Variants in VRK2 observed in about 807,000 individuals in gnomAD.
VRK2 encodes serine/threonine-protein kinase VRK2.
Under a neutral mutation model 57.6 loss-of-function variants are expected in VRK2, and 60 were observed. The observed-to-expected ratio is 1.04, with a 90% CI of 0.85 to 1.29. VRK2 has a LOEUF of 1.29. Among genes scored for constraint, VRK2 ranks in the 50% most tolerant of loss-of-function variants. VRK2 has a pLI of 0.00. For synonymous variants in VRK2, 231 were observed against 199.2 expected (o/e 1.16, Z -1.35); for missense variants, 705 against 588.1 (o/e 1.20, Z -2.06).
rs943168135 is a variant in VRK2, at chr2:57,968,855, T to C, written c.-438-56810T>C. On this transcript the variant is annotated intron_variant, in intron 1 of 15. Transcript: ENST00000417641. Reference sequence around the variant, plus strand: ...ATGTTAAAAAATATTCTAGGACAAATTGACTCCATAGTCAAACAATTTTGA... The same window carrying C: ...ATGTTAAAAAATATTCTAGGACAAACTGACTCCATAGTCAAACAATTTTGA... 3.3e-5 allele frequency among the ~76,000 whole-genome samples: 5 copies of C among 152,186 alleles called. 2 individuals are homozygous for C. The highest frequency in any genetic ancestry group is 3.3e-4 in the Admixed American group (5 of 15,262).
At chr2:57,953,151 A>C (rs1671479183) in intron 1 of VRK2, among the ~76,000 whole-genome samples, 1 of 152,230 alleles carries the variant, frequency 6.6e-6, no homozygotes, top group South Asian at 2.1e-4. Flanking sequence ...TGATCCAGAA[A>C]CTAATAGTAC....
At chr2:57,922,721 G>A (rs932631794) in intron 1 of VRK2, among the ~76,000 whole-genome samples, 3 of 151,348 alleles carry the variant, frequency 2.0e-5, no homozygotes, top group African/African-American at 7.3e-5. Flanking sequence ...ATGACCTCAA[G>A]AATTTATTCT....
In VRK2 at chr2:58,026,985, C is replaced by T. The variant is rs182833214; in HGVS notation, c.-333+1215C>T. On this transcript the variant is annotated intron_variant, in intron 2 of 15. Transcript: ENST00000417641. ...CTCACGTGATTGACCTCCCAAAGTG[C>T]TGGGATTACAGGCTTGAGCCACCAT... 7 of 151,948 alleles carry T rather than the reference C, an allele frequency of 4.6e-5. No homozygotes were observed. The East Asian group carries it at 1.2e-3, about 25-fold the overall frequency. The allele number at this position is 151,948 out of a possible 1,614,324, so 9.4% of individuals were successfully genotyped here.
chr2:58,104,681 C>A (rs763713455), intron 7 of VRK2, among the ~76,000 whole-genome samples: 1 of 151,844 alleles, frequency 6.6e-6, no homozygotes, highest in African/African-American at 2.4e-5. Flanking sequence ...ATACAAGCAT[C>A]ATTTTTCACA....
chr2:58,025,847 G>A (rs556006876), intron 2 of VRK2: 5 of 152,090 alleles, frequency 3.3e-5, no homozygotes, highest in African/African-American at 7.2e-5. Context: ...GCAGATTACC[G>A]ACTCCTGTTT....
chr2:58,016,154 T>C (rs1171896639), intron 1 of VRK2, among the ~76,000 whole-genome samples: 1 of 151,214 alleles, frequency 6.6e-6, no homozygotes, highest in Non-Finnish European at 1.5e-5. Flanking sequence ...AGTTTTCTAA[T>C]CTATAAAATA....
At position 58,159,457 on chromosome 2, in the gene VRK2, G is replaced by A. The variant is rs776536382; in HGVS notation, c.1291G>A (p.Glu431Lys). 1.5e-5 allele frequency: 24 copies of A among 1,613,430 alleles called. No homozygotes were observed. The highest frequency in any genetic ancestry group is 5.3e-5 in the African/African-American group (4 of 74,874). The change falls in exon 13 of 13, where the codon GAG (glutamate) becomes AAG (lysine). Residue 431 changes from glutamate to lysine, a missense_variant. Coordinates refer to ENST00000340157, the MANE Select transcript of VRK2 (RefSeq NM_006296.7). ...SYTQFPNSFYEPHQDFTSPDI... is the reference protein window; with the variant it reads ...SYTQFPNSFYKPHQDFTSPDI... Reference sequence around the variant, plus strand: ...TACACAATTCCCAAACTCATTTTATGAGCCTCATCAAGATTTTACCAGTCC... The same window carrying A: ...TACACAATTCCCAAACTCATTTTATAAGCCTCATCAAGATTTTACCAGTCC...
At chr2:57,942,034 G>C (rs922650988) in intron 1 of VRK2, among the ~76,000 whole-genome samples, 10 of 152,132 alleles carry the variant, frequency 6.6e-5, no homozygotes, top group Non-Finnish European at 1.2e-4. Flanking sequence ...CTGCTGTGAT[G>C]GGCCTTCAGT....
At chr2:58,115,082 G>C (rs906953407) in intron 7 of VRK2, among the ~76,000 whole-genome samples, 2 of 152,174 alleles carry the variant, frequency 1.3e-5, no homozygotes, top group Admixed American at 1.3e-4. Flanking sequence ...GAAAGGAAAT[G>C]AGAGGTTCTG....
chr2:58,109,832 G>A (rs1164959537), intron 7 of VRK2, among the ~76,000 whole-genome samples: 7 of 152,088 alleles, frequency 4.6e-5, no homozygotes, highest in Non-Finnish European at 8.8e-5. Context: ...ACCAGAGAGA[G>A]GATTTCACAG....
chr2:58,137,997 T>G (rs926493792), intron 10 of VRK2, among the ~76,000 whole-genome samples: 101 of 152,166 alleles, frequency 6.6e-4, no homozygotes, highest in African/African-American at 2.4e-3. Flanking sequence ...TGGTACCTCA[T>G]TTTTCCAAAC....
intron 7 of VRK2, among the ~76,000 whole-genome samples, chr2:58,103,970 C>CA (rs1360019133): frequency 6.6e-6 from 1 of 151,594 alleles, no homozygotes; most frequent in South Asian, 2.1e-4. Flanking sequence ...GAATTAAAAA[C>CA]AAAAACCATA....
At chr2:58,118,529 G>T (rs1676884541) in intron 7 of VRK2, among the ~76,000 whole-genome samples, 1 of 152,230 alleles carries the variant, frequency 6.6e-6, no homozygotes, top group Non-Finnish European at 1.5e-5. Flanking sequence ...AGCTGGAGAA[G>T]ATAGTAAAAA....
chr2:57,969,643 C>A (rs1368475037), intron 1 of VRK2, among the ~76,000 whole-genome samples: 2 of 151,816 alleles, frequency 1.3e-5, no homozygotes, highest in African/African-American at 4.8e-5. Flanking sequence ...TCAAGAAGTT[C>A]TAAGGAAATG....
intron 2 of VRK2, among the ~76,000 whole-genome samples, chr2:58,076,714 C>T (rs1172536487): frequency 1.3e-5 from 2 of 150,938 alleles, no homozygotes; most frequent in Non-Finnish European, 3.0e-5. Flanking sequence ...TAGTTTTTTT[C>T]AAAATCTCAT....
intron 8 of VRK2, among the ~76,000 whole-genome samples, chr2:58,131,080 TAAA>T (rs1679127546): frequency 6.6e-6 from 1 of 151,990 alleles, no homozygotes; most frequent in Non-Finnish European, 1.5e-5. Flanking sequence ...CATCTTATTC[TAAA>T]TTTTGAAGGC....
upstream of VRK2, among the ~76,000 whole-genome samples, chr2:58,043,016 A>G (rs1402781318): frequency 6.6e-6 from 1 of 152,172 alleles, no homozygotes; most frequent in Non-Finnish European, 1.5e-5. Context: ...CAACACTTAA[A>G]AAAAACACAT....
intron 6 of VRK2, among the ~76,000 whole-genome samples, chr2:58,089,379 CATTTTTGA>C (rs1182685494): frequency 1.3e-5 from 2 of 152,176 alleles, no homozygotes; most frequent in Non-Finnish European, 2.9e-5. Context: ...TAGGCATAAG[CATTTTTGA>C]ATCTTGATTT....
intron 2 of VRK2, among the ~76,000 whole-genome samples, chr2:58,072,366 C>G (rs1189010784): frequency 2.6e-5 from 4 of 151,894 alleles, no homozygotes; most frequent in African/African-American, 7.2e-5. Context: ...ATGAAAGCAT[C>G]TAGTTTCTCA....
Sources: gnomAD v4.1 joint callset for allele counts (sites outside exome capture counted in the v4.1 genomes callset) on GRCh38, gnomAD v4.1.1 for gene constraint, MANE v1.5 for transcripts, NCBI Gene and HGNC (gene_info 2026-07-23, HGNC 2026-07-21) for gene names.